The following TMEM117 variants were observed in gnomAD, a reference collection of about 807,000 sequenced individuals.
The protein encoded by TMEM117 is transmembrane protein 117.
TMEM117 carries 27 observed loss-of-function variants against 52.4 expected under a neutral mutation model. That is an observed-to-expected ratio of 0.51 (90% CI 0.38 to 0.71). TMEM117 has a LOEUF of 0.71. Among genes scored for constraint, TMEM117 ranks in the 30% least tolerant of loss-of-function variants. TMEM117 has a pLI of 0.00. For missense variants in TMEM117, 556 were observed against 630.5 expected (o/e 0.88, Z 1.26); for synonymous variants, 215 against 206.3 (o/e 1.04, Z -0.36).
At chr12:44,176,355 G>A (rs1281898225) in intron 4 of TMEM117, among the ~76,000 whole-genome samples, 1 of 152,160 alleles carries the variant, frequency 6.6e-6, no homozygotes, top group East Asian at 1.9e-4. Context: ...ATGAACGAGT[G>A]AATAATACAT....
chr12:43,986,716 A>T (rs1945853191), intron 3 of TMEM117, among the ~76,000 whole-genome samples: 1 of 152,122 alleles, frequency 6.6e-6, no homozygotes, highest in African/African-American at 2.4e-5. Context: ...ATGAGACATA[A>T]ATTGAACCAT....
chr12:44,196,151 A>T (rs2138355631), intron 4 of TMEM117, among the ~76,000 whole-genome samples: 1 of 152,186 alleles, frequency 6.6e-6, no homozygotes, highest in South Asian at 2.1e-4. Flanking sequence ...ATCCACCATC[A>T]TAGTGCTTAT....
intron 3 of TMEM117, among the ~76,000 whole-genome samples, chr12:43,962,755 C>T (rs958258033): frequency 2.0e-5 from 3 of 152,154 alleles, no homozygotes; most frequent in Admixed American, 2.0e-4. Flanking sequence ...CCTGTCTCTA[C>T]TAAAAATACG....
intron 3 of TMEM117, among the ~76,000 whole-genome samples, chr12:44,118,949 T>A (rs1948190002): frequency 6.6e-6 from 1 of 152,220 alleles, no homozygotes; most frequent in Non-Finnish European, 1.5e-5. Flanking sequence ...TAACAGACTT[T>A]CCCCCAATTC....
chr12:43,974,676 G>T (rs1782846339), intron 3 of TMEM117, among the ~76,000 whole-genome samples: 1 of 152,036 alleles, frequency 6.6e-6, no homozygotes, highest in Non-Finnish European at 1.5e-5. Flanking sequence ...CCTTGTTCCA[G>T]ATGTACATTT....
At chr12:44,386,805 T>C (rs182280011) in intron 7 of TMEM117, among the ~76,000 whole-genome samples, 1 of 152,210 alleles carries the variant, frequency 6.6e-6, no homozygotes, top group East Asian at 1.9e-4. Context: ...TAGCCTTACA[T>C]ATAATAGGAG....
At chr12:44,084,645 G>A (rs1226448633) in intron 3 of TMEM117, among the ~76,000 whole-genome samples, 1 of 152,060 alleles carries the variant, frequency 6.6e-6, no homozygotes, top group Non-Finnish European at 1.5e-5. Context: ...CTGGTGAGGT[G>A]GCTTGAATTC....
intron 3 of TMEM117, among the ~76,000 whole-genome samples, chr12:43,994,804 G>A (rs2137759703): frequency 6.6e-6 from 1 of 152,178 alleles, no homozygotes; most frequent in African/African-American, 2.4e-5. Context: ...GTTGGACTGG[G>A]AAGAGGAATT....
intron 3 of TMEM117, among the ~76,000 whole-genome samples, chr12:44,077,748 A>T (rs1457058439): frequency 6.6e-6 from 1 of 152,170 alleles, no homozygotes; most frequent in Non-Finnish European, 1.5e-5. Context: ...CTTGAAAAAG[A>T]TGCAAAATGT....
chr12:44,367,982 C>A (rs958479092), intron 6 of TMEM117, among the ~76,000 whole-genome samples: 2 of 152,116 alleles, frequency 1.3e-5, no homozygotes, highest in African/African-American at 4.8e-5. Context: ...CTCCTACAGT[C>A]AGTTTATAAC....
intron 3 of TMEM117, among the ~76,000 whole-genome samples, chr12:43,952,881 G>C (rs1049800136): frequency 6.6e-6 from 1 of 152,006 alleles, no homozygotes; most frequent in Non-Finnish European, 1.5e-5. Flanking sequence ...AAAATGCTAA[G>C]GGCAGCAAGA....
At chr12:44,185,164 T>A (rs1056046929) in intron 4 of TMEM117, among the ~76,000 whole-genome samples, 7 of 152,190 alleles carry the variant, frequency 4.6e-5, no homozygotes, top group Non-Finnish European at 4.4e-5. Flanking sequence ...CCTTCAGCCT[T>A]AAATGCCTTT....
chr12:43,942,418 T>C (rs1945058372), intron 2 of TMEM117, among the ~76,000 whole-genome samples: 2 of 152,212 alleles, frequency 1.3e-5, no homozygotes, highest in East Asian at 1.9e-4. Context: ...CCCTGGTTTT[T>C]CATAATTATT....
chr12:44,093,168 AT>A lies in TMEM117; in HGVS notation c.411-50349del, dbSNP rs1037451684. Among the ~76,000 whole-genome samples the A allele has an allele frequency of 1.3e-4, 19 of 151,946 alleles. No homozygotes were observed. The East Asian group carries it at 1.6e-3, about 12-fold the overall frequency. On this transcript the variant is annotated intron_variant, in intron 3 of 7. Coordinates refer to ENST00000266534, the MANE Select transcript of TMEM117 (RefSeq NM_032256.3). ...TTGGAGTTATATTAGGCTAAATCCT[AT>A]TTTTTTTCAGTGTCTGGTCAAGGGA...
At chr12:43,932,287 A>T (rs1944883233) in intron 2 of TMEM117, among the ~76,000 whole-genome samples, 2 of 151,534 alleles carry the variant, frequency 1.3e-5, no homozygotes, top group Admixed American at 6.6e-5. Context: ...TATTTTTAAT[A>T]AAAATTCTTT....
chr12:43,796,194 AGAATAT>A, the TMEM117 span, among the ~76,000 whole-genome samples: 1 of 152,172 alleles, frequency 6.6e-6, no homozygotes, highest in African/African-American at 2.4e-5. Flanking sequence ...AACAACAATA[AGAATAT>A]ATGACAGAGA....
chr12:44,314,880 T>A (rs556344354), intron 6 of TMEM117, among the ~76,000 whole-genome samples: 1 of 152,344 alleles, frequency 6.6e-6, no homozygotes, highest in South Asian at 2.1e-4. Flanking sequence ...TGTGAATCCA[T>A]CTGATCCAGA....
chr12:44,156,032 A>G (rs960456144), intron 4 of TMEM117, among the ~76,000 whole-genome samples: 3 of 152,130 alleles, frequency 2.0e-5, no homozygotes, highest in Non-Finnish European at 2.9e-5. Context: ...CATGTTAATC[A>G]TAGCTGATAA....
At chr12:44,078,761 C>A (rs1362140052) in intron 3 of TMEM117, among the ~76,000 whole-genome samples, 1 of 151,504 alleles carries the variant, frequency 6.6e-6, no homozygotes, top group African/African-American at 2.4e-5. Flanking sequence ...GAAGAATGTG[C>A]AGGTTTGTTA....
Sources: gnomAD v4.1 joint callset for allele counts (sites outside exome capture counted in the v4.1 genomes callset) on GRCh38, gnomAD v4.1.1 for gene constraint, MANE v1.5 for transcripts, NCBI Gene and HGNC (gene_info 2026-07-23, HGNC 2026-07-21) for gene names.